Variants in RPRD1A observed in about 807,000 individuals in gnomAD.
The protein encoded by RPRD1A is regulation of nuclear pre-mRNA domain containing 1A.
RPRD1A carries 9 observed loss-of-function variants against 37.8 expected under a neutral mutation model. The ratio of observed to expected loss-of-function variants is 0.24; its 90% CI spans 0.14 to 0.42. The LOEUF is 0.42. RPRD1A is among the 10% of genes least tolerant of loss of function. The probability of loss-of-function intolerance (pLI) is 1.00; values close to 1 mark genes in which losing one functional copy is unlikely to be tolerated. For synonymous variants in RPRD1A, 138 were observed against 139.7 expected, an observed-to-expected ratio of 0.99 and a Z score of 0.08; for missense variants, 255 against 371.0, an observed-to-expected ratio of 0.69 and a Z score of 2.57.
At chr18:36,021,166 A>C (rs1910967422) in intron 6 of RPRD1A, among the ~76,000 whole-genome samples, 1 of 152,160 alleles carries the variant, frequency 6.6e-6, no homozygotes, top group African/African-American at 2.4e-5. Context: ...CCAAATTCTA[A>C]ATTTAAATCA....
At chr18:36,066,062 T>C (rs2089023606) in intron 1 of RPRD1A, among the ~76,000 whole-genome samples, 1 of 152,224 alleles carries the variant, frequency 6.6e-6, no homozygotes, top group African/African-American at 2.4e-5. Context: ...ACAGCTACTT[T>C]CCAGACCTTT....
chr18:36,016,915 C>T (rs1183014235), intron 6 of RPRD1A, among the ~76,000 whole-genome samples: 1 of 151,826 alleles, frequency 6.6e-6, no homozygotes. Context: ...TAAATCTTGC[C>T]AAAAGGTATT....
intron 6 of RPRD1A, 44 bp downstream of exon 6, chr18:36,026,856 G>T: frequency 6.6e-7 from 1 of 1,524,836 alleles, no homozygotes; most frequent in Non-Finnish European, 8.9e-7. Flanking sequence ...CTAACAAAAA[G>T]AGAATTAAAT....
At chr18:36,028,650 A>G (rs1434364493) in intron 4 of RPRD1A, among the ~76,000 whole-genome samples, 2 of 152,214 alleles carry the variant, frequency 1.3e-5, no homozygotes, top group Non-Finnish European at 1.5e-5. Flanking sequence ...TAAGAAAGCA[A>G]AGTTGTCTGA....
chr18:36,030,782 C>A, intron 4 of RPRD1A, 26 bp downstream of exon 4: 2 of 1,415,742 alleles, frequency 1.4e-6, no homozygotes, highest in Non-Finnish European at 2.0e-6. Context: ...AAGTTTGTAA[C>A]TCTTTTAACA....
intron 6 of RPRD1A, among the ~76,000 whole-genome samples, chr18:36,015,173 T>TACACACACACACACAC (rs368940718): frequency 2.3e-5 from 3 of 130,916 alleles, no homozygotes; most frequent in African/African-American, 8.9e-5. Flanking sequence ...TACACATATA[T>TACACACACACACACAC]ACACACACAC....
At chr18:36,034,462 A>G (rs576319186) in intron 1 of RPRD1A, among the ~76,000 whole-genome samples, 1 of 152,332 alleles carries the variant, frequency 6.6e-6, no homozygotes, top group African/African-American at 2.4e-5. Flanking sequence ...CATTTCTCTA[A>G]GGAAATAGAC....
intron 1 of RPRD1A, among the ~76,000 whole-genome samples, chr18:36,034,145 G>A (rs1912017594): frequency 6.6e-6 from 1 of 151,938 alleles, no homozygotes; most frequent in Non-Finnish European, 1.5e-5. Flanking sequence ...TATTAAGATG[G>A]CACCCTAAAT....
intron 1 of RPRD1A, among the ~76,000 whole-genome samples, chr18:36,049,104 G>A (rs1345039913): frequency 6.6e-6 from 1 of 152,148 alleles, no homozygotes; most frequent in African/African-American, 2.4e-5. Context: ...GTTCCACCAT[G>A]TTGGCTAGGC....
At chr18:36,010,853 T>C (rs1266233768) in intron 6 of RPRD1A, among the ~76,000 whole-genome samples, 2 of 152,240 alleles carry the variant, frequency 1.3e-5, no homozygotes, top group Non-Finnish European at 2.9e-5. Flanking sequence ...ACAAGTAGGC[T>C]TGACTCAGAT....
intron 1 of RPRD1A, among the ~76,000 whole-genome samples, chr18:36,066,262 A>G (rs1245248126): frequency 1.3e-5 from 2 of 152,200 alleles, no homozygotes; most frequent in African/African-American, 2.4e-5. Flanking sequence ...TACAGCCAAC[A>G]TTTTGGCTCA....
At chr18:36,051,776 G>T (rs1913414640) in intron 1 of RPRD1A, among the ~76,000 whole-genome samples, 2 of 152,078 alleles carry the variant, frequency 1.3e-5, no homozygotes, top group African/African-American at 4.8e-5. Context: ...TGAATTTGAA[G>T]ACAATTAAAA....
At chr18:36,059,355 C>T (rs990458611) in intron 1 of RPRD1A, among the ~76,000 whole-genome samples, 4 of 152,158 alleles carry the variant, frequency 2.6e-5, no homozygotes, top group African/African-American at 9.7e-5. Flanking sequence ...CCAGGCTGGT[C>T]TCAAACTCCT....
At chr18:36,028,897 A>G (rs1001328223) in intron 4 of RPRD1A, among the ~76,000 whole-genome samples, 1 of 152,188 alleles carries the variant, frequency 6.6e-6, no homozygotes, top group Non-Finnish European at 1.5e-5. Flanking sequence ...ACTTAAAAAT[A>G]CTCCTAAGAT....
chr18:36,035,255 A>T lies in RPRD1A; in HGVS notation c.152-1418T>A, dbSNP rs370703908. Among the ~76,000 whole-genome samples the T allele has an allele frequency of 1.1e-4, 17 of 152,334 alleles. No individual in the cohort carries two copies. The Middle Eastern group carries it at 0.014, about 122-fold the overall frequency. ...AGTGTCAAATGAGTTTAGAAACTCAAATTTGTATTATCTAATTGGGAGATT... is the reference window on the plus strand; with the variant it reads ...AGTGTCAAATGAGTTTAGAAACTCATATTTGTATTATCTAATTGGGAGATT... On this transcript the variant is annotated intron_variant, in intron 1 of 6. Transcript: ENST00000399022.
In RPRD1A at chr18:36,046,887, TA is replaced by T. The variant is rs140735259; in HGVS notation, c.152-13051del. ...AACCTCCCAAAATCCATGCATCCAC[TA>T]AAAAAAAAAAAAATCACCCCATATC... On this transcript the variant is annotated intron_variant, in intron 1 of 6. Coordinates refer to ENST00000399022, the MANE Select transcript of RPRD1A (RefSeq NM_018170.5). 8.3e-3 allele frequency among the ~76,000 whole-genome samples: 1,099 copies of T among 131,684 alleles called. 5 individuals carry two copies. The highest frequency in any genetic ancestry group is 0.012 in the Non-Finnish European group (710 of 61,160). The allele number at this position is 131,684 out of a possible 152,430, so 86.4% of individuals were successfully genotyped here.
At chr18:36,052,612 C>T (rs917280928) in intron 1 of RPRD1A, among the ~76,000 whole-genome samples, 4 of 151,392 alleles carry the variant, frequency 2.6e-5, no homozygotes, top group South Asian at 2.1e-4. Flanking sequence ...TTGTTGGGGG[C>T]GGGGGGGATG....
At chr18:36,032,103 T>C (rs1468549311) in intron 2 of RPRD1A, among the ~76,000 whole-genome samples, 1 of 152,238 alleles carries the variant, frequency 6.6e-6, no homozygotes, top group Non-Finnish European at 1.5e-5. Flanking sequence ...ATAGTTGTTC[T>C]TTATCTCATC....
intron 1 of RPRD1A, among the ~76,000 whole-genome samples, chr18:36,055,423 G>A (rs181020869): frequency 3.9e-5 from 6 of 152,166 alleles, no homozygotes; most frequent in East Asian, 1.9e-4. Flanking sequence ...TAGCCTGTAC[G>A]AGAATCAAGT....
Sources: allele counts gnomAD v4.1 joint callset (sites outside exome capture counted in the v4.1 genomes callset), GRCh38; gene constraint gnomAD v4.1.1; transcripts MANE v1.5; gene names NCBI Gene and HGNC (gene_info 2026-07-23, HGNC 2026-07-21).